Variants in LRRC4C observed in about 807,000 individuals in gnomAD.
The protein encoded by LRRC4C is leucine-rich repeat-containing protein 4C.
A neutral mutation model predicts 33.6 loss-of-function variants in LRRC4C; 5 were observed. That is an observed-to-expected ratio of 0.15 (90% CI 0.08 to 0.31). The LOEUF (loss-of-function observed/expected upper bound fraction) is 0.31. Among genes scored for constraint, LRRC4C ranks in the 10% least tolerant of loss-of-function variants. The pLI is 1.00. For missense variants in LRRC4C, 560 were observed against 796.7 expected (o/e 0.70, Z 3.58); for synonymous variants, 329 against 302.0 (o/e 1.09, Z -0.93).
chr11:40,419,755 G>T (rs139853590), intron 3 of LRRC4C, among the ~76,000 whole-genome samples: 1 of 152,300 alleles, frequency 6.6e-6, no homozygotes, highest in Non-Finnish European at 1.5e-5. Context: ...TCCACCAAAA[G>T]GCTGTACCTA....
intron 2 of LRRC4C, among the ~76,000 whole-genome samples, chr11:40,701,885 T>C (rs1945878587): frequency 6.6e-6 from 1 of 151,922 alleles, no homozygotes; most frequent in African/African-American, 2.4e-5. Flanking sequence ...GAAAATGTGC[T>C]ACATGGTTTG....
intron 2 of LRRC4C, among the ~76,000 whole-genome samples, chr11:40,655,899 A>C (rs1433491003): frequency 6.6e-6 from 1 of 152,126 alleles, no homozygotes; most frequent in Non-Finnish European, 1.5e-5. Flanking sequence ...AAGCTAGGCA[A>C]GTCTTACATG....
At chr11:41,268,707 A>C (rs530103219) in intron 1 of LRRC4C, among the ~76,000 whole-genome samples, 1 of 152,238 alleles carries the variant, frequency 6.6e-6, no homozygotes, top group South Asian at 2.1e-4. Context: ...ATATTTGGTT[A>C]ATAATAACTA....
At chr11:40,803,614 G>T (rs1456005446) in intron 2 of LRRC4C, among the ~76,000 whole-genome samples, 4 of 151,748 alleles carry the variant, frequency 2.6e-5, no homozygotes, top group African/African-American at 9.7e-5. Context: ...ATTAATTAAT[G>T]AATTTATTTA....
intron 1 of LRRC4C, among the ~76,000 whole-genome samples, chr11:41,416,804 T>C (rs1399346754): frequency 6.6e-6 from 1 of 152,052 alleles, no homozygotes; most frequent in African/African-American, 2.4e-5. Flanking sequence ...ACTTTTTACA[T>C]ACTATGTGTG....
chr11:41,283,524 C>G (rs927130920), intron 1 of LRRC4C, among the ~76,000 whole-genome samples: 2 of 152,280 alleles, frequency 1.3e-5, no homozygotes, highest in East Asian at 1.9e-4. Context: ...ATTAAAAATA[C>G]TATTCTATTC....
intron 2 of LRRC4C, among the ~76,000 whole-genome samples, chr11:40,768,989 T>C (rs932575822): frequency 1.3e-5 from 2 of 152,038 alleles, no homozygotes; most frequent in African/African-American, 4.8e-5. Flanking sequence ...GCTAGTGTTA[T>C]CAGAAAATAT....
At chr11:40,183,040 A>C (rs1395379063) in intron 5 of LRRC4C, among the ~76,000 whole-genome samples, 1 of 152,212 alleles carries the variant, frequency 6.6e-6, no homozygotes, top group Non-Finnish European at 1.5e-5. Context: ...TACCTGAGCT[A>C]TTAACCACTA....
chr11:40,694,306 A>C (rs1355545973), intron 2 of LRRC4C, among the ~76,000 whole-genome samples: 1 of 152,156 alleles, frequency 6.6e-6, no homozygotes, highest in African/African-American at 2.4e-5. Context: ...ACAGCATTGG[A>C]GAAAATAAAT....
intron 2 of LRRC4C, among the ~76,000 whole-genome samples, chr11:40,823,150 TTTTAC>T (rs1337087411): frequency 2.0e-5 from 3 of 151,796 alleles, no homozygotes; most frequent in Non-Finnish European, 2.9e-5. Flanking sequence ...GAGCTTAGCC[TTTTAC>T]TTTACTGTAT....
At chr11:41,274,636 G>A (rs1221260080) in intron 1 of LRRC4C, among the ~76,000 whole-genome samples, 1 of 152,106 alleles carries the variant, frequency 6.6e-6, no homozygotes, top group Non-Finnish European at 1.5e-5. Flanking sequence ...CAGGACATGG[G>A]TGGGGACAAA....
intron 3 of LRRC4C, among the ~76,000 whole-genome samples, chr11:40,404,577 C>G (rs1949889325): frequency 1.3e-5 from 2 of 152,160 alleles, no homozygotes; most frequent in African/African-American, 4.8e-5. Flanking sequence ...TATTCTAGAC[C>G]ATGATGCCAT....
chr11:41,028,569 CGACACA>C (rs1281693258), intron 1 of LRRC4C, among the ~76,000 whole-genome samples: 7 of 59,224 alleles, frequency 1.2e-4, no homozygotes, highest in African/African-American at 3.3e-4. Flanking sequence ...TTAGTATTCA[CGACACA>C]CACACACACA....
chr11:41,426,188 A>G (rs1321268097), intron 1 of LRRC4C: 1 of 152,182 alleles, frequency 6.6e-6, no homozygotes. Flanking sequence ...CACACTAGTG[A>G]CATCTTCCCA....
chr11:40,324,950 T>G (rs1050417329), intron 3 of LRRC4C, among the ~76,000 whole-genome samples: 1 of 152,226 alleles, frequency 6.6e-6, no homozygotes, highest in Non-Finnish European at 1.5e-5. Context: ...AGGCTTATTT[T>G]GAGGACTAAA....
At chr11:41,045,011 C>CT (rs1360971856) in intron 1 of LRRC4C, among the ~76,000 whole-genome samples, 2 of 151,988 alleles carry the variant, frequency 1.3e-5, no homozygotes, top group Admixed American at 6.6e-5. Context: ...TTATCTTGAG[C>CT]TCTTGTTGAA....
chr11:41,047,991 C>T (rs772364713), intron 1 of LRRC4C, among the ~76,000 whole-genome samples: 8 of 152,104 alleles, frequency 5.3e-5, no homozygotes, highest in Non-Finnish European at 1.0e-4. Flanking sequence ...ATCAATAGAG[C>T]TCTTAAACCA....
intron 3 of LRRC4C, among the ~76,000 whole-genome samples, chr11:40,341,498 A>G (rs1261391987): frequency 1.4e-5 from 2 of 141,676 alleles, no homozygotes; most frequent in Non-Finnish European, 3.1e-5. Context: ...GAACTGAACA[A>G]TGAGAACATA....
intron 3 of LRRC4C, among the ~76,000 whole-genome samples, chr11:40,529,958 T>C (rs1956208729): frequency 6.6e-6 from 1 of 152,012 alleles, no homozygotes; most frequent in African/African-American, 2.4e-5. Context: ...ACCCCAGAAA[T>C]TAAAGTATAA....
Sources: gnomAD v4.1 joint callset for allele counts (sites outside exome capture counted in the v4.1 genomes callset) on GRCh38, gnomAD v4.1.1 for gene constraint, MANE v1.5 for transcripts, NCBI Gene and HGNC (gene_info 2026-07-23, HGNC 2026-07-21) for gene names.